Variants in SEMA3A observed in about 807,000 individuals in gnomAD.
SEMA3A encodes the protein semaphorin-3A.
SEMA3A carries 29 observed loss-of-function variants against 97.9 expected under a neutral mutation model. That is an observed-to-expected ratio of 0.30 (90% CI 0.22 to 0.40). The LOEUF (loss-of-function observed/expected upper bound fraction) is 0.40. Among genes scored for constraint, SEMA3A ranks in the 10% least tolerant of loss-of-function variants. The pLI is 1.00. For missense variants in SEMA3A, 763 were observed against 951.3 expected (o/e 0.80, Z 2.60); for synonymous variants, 321 against 323.7 (o/e 0.99, Z 0.09).
intron 1 of SEMA3A, among the ~76,000 whole-genome samples, chr7:84,189,805 T>C (rs55776477): frequency 0.024 from 3,704 of 151,794 alleles, 54 homozygotes; most frequent in Non-Finnish European, 0.033. Flanking sequence ...AAATCTTTAC[T>C]ATAGAATTTA....
At chr7:84,316,260 T>C (rs1181519497) in intron 2 of SEMA3A, among the ~76,000 whole-genome samples, 1 of 151,682 alleles carries the variant, frequency 6.6e-6, no homozygotes, top group Non-Finnish European at 1.5e-5. Context: ...GAAAGACCAC[T>C]GGTTAATTTA....
At chr7:84,083,246 A>G (rs184563691) in intron 4 of SEMA3A, among the ~76,000 whole-genome samples, 7,252 of 151,844 alleles carry the variant, frequency 0.048, 228 homozygotes, top group African/African-American at 0.083. Context: ...GTACTTTACT[A>G]TATACTGTTA....
chr7:84,091,031 T>C (rs34614886), intron 4 of SEMA3A, among the ~76,000 whole-genome samples: 56,416 of 145,572 alleles, frequency 0.39, 13,054 homozygotes, highest in Non-Finnish European at 0.51. Context: ...CACGAGATCA[T>C]GCCATTGCAC....
intron 1 of SEMA3A, among the ~76,000 whole-genome samples, chr7:84,438,101 TA>T (rs1302619729): frequency 2.6e-5 from 4 of 152,150 alleles, no homozygotes; most frequent in South Asian, 2.1e-4. Flanking sequence ...GACTTTAGAC[TA>T]GGGGGTATGC....
intron 3 of SEMA3A, among the ~76,000 whole-genome samples, chr7:84,295,605 T>G (rs1338253554): frequency 6.6e-6 from 1 of 152,034 alleles, no homozygotes; most frequent in Non-Finnish European, 1.5e-5. Context: ...AAATAAATTA[T>G]GCAGAACAAC....
At chr7:84,027,298 A>T (rs1791583106) in intron 6 of SEMA3A, among the ~76,000 whole-genome samples, 1 of 152,142 alleles carries the variant, frequency 6.6e-6, no homozygotes, top group African/African-American at 2.4e-5. Context: ...TTTATTCTTA[A>T]ATTACTTTAT....
At chr7:84,066,652 G>A (rs1317836503) in intron 4 of SEMA3A, among the ~76,000 whole-genome samples, 1 of 150,076 alleles carries the variant, frequency 6.7e-6, no homozygotes, top group Admixed American at 6.6e-5. Context: ...GCCAAATCAT[G>A]AGTGAACTCC....
intron 2 of SEMA3A, among the ~76,000 whole-genome samples, chr7:84,361,595 C>T (rs524163): frequency 0.29 from 44,135 of 151,542 alleles, 6,869 homozygotes; most frequent in African/African-American, 0.38. Flanking sequence ...TTAGGGAGAA[C>T]GAGTAATATA....
intron 3 of SEMA3A, among the ~76,000 whole-genome samples, chr7:84,206,789 T>G (rs1452762125): frequency 6.6e-6 from 1 of 152,154 alleles, no homozygotes; most frequent in East Asian, 1.9e-4. Context: ...ATGGGTATTT[T>G]CTATAGTTCT....
intron 3 of SEMA3A, among the ~76,000 whole-genome samples, chr7:84,273,411 A>G (rs1800204338): frequency 6.6e-6 from 1 of 152,162 alleles, no homozygotes; most frequent in Non-Finnish European, 1.5e-5. Flanking sequence ...GATGGAATAA[A>G]CAAATGTAAA....
intron 3 of SEMA3A, among the ~76,000 whole-genome samples, chr7:84,287,215 T>C (rs73711506): frequency 0.017 from 2,660 of 152,200 alleles, 77 homozygotes; most frequent in African/African-American, 0.061. Flanking sequence ...TCAAGCTTTA[T>C]TGAGGTATAA....
intron 3 of SEMA3A, among the ~76,000 whole-genome samples, chr7:84,215,669 C>G (rs998768491): frequency 1.3e-5 from 2 of 152,204 alleles, no homozygotes; most frequent in African/African-American, 4.8e-5. Flanking sequence ...AAATAACTCT[C>G]TATGCCACAT....
At chr7:84,407,590 A>G (rs1389175196) in intron 1 of SEMA3A, among the ~76,000 whole-genome samples, 2 of 151,174 alleles carry the variant, frequency 1.3e-5, no homozygotes, top group South Asian at 2.1e-4. Context: ...TGCCAAGTCA[A>G]TCCTAAGCCA....
intron 1 of SEMA3A, among the ~76,000 whole-genome samples, chr7:84,401,090 A>G (rs1414174299): frequency 6.6e-6 from 1 of 152,210 alleles, no homozygotes; most frequent in Non-Finnish European, 1.5e-5. Flanking sequence ...TTGTCCTTGC[A>G]GATGACATTA....
At chr7:84,081,322 G>A (rs1034087878) in intron 4 of SEMA3A, among the ~76,000 whole-genome samples, 1 of 152,216 alleles carries the variant, frequency 6.6e-6, no homozygotes, top group East Asian at 1.9e-4. Flanking sequence ...GCCGGGCGCG[G>A]TGGCTCATGC....
At chr7:84,092,102 T>C (rs6970179) in intron 4 of SEMA3A, among the ~76,000 whole-genome samples, 61,055 of 151,554 alleles carry the variant, frequency 0.4, 14,255 homozygotes, top group Non-Finnish European at 0.51. Flanking sequence ...GCTGTTCACA[T>C]ATATTTTTTA....
chr7:84,439,701 G>T (rs1056920195), intron 1 of SEMA3A, among the ~76,000 whole-genome samples: 6 of 152,094 alleles, frequency 3.9e-5, no homozygotes, highest in Admixed American at 1.3e-4. Context: ...AAGTGGAAAA[G>T]AAATTAAATC....
At chr7:84,399,459 G>A (rs1803836827) in intron 1 of SEMA3A, among the ~76,000 whole-genome samples, 1 of 152,142 alleles carries the variant, frequency 6.6e-6, no homozygotes, top group African/African-American at 2.4e-5. Context: ...AGTGGCCATG[G>A]GAGAGCCTAT....
intron 1 of SEMA3A, among the ~76,000 whole-genome samples, chr7:84,160,556 A>G (rs1317324937): frequency 1.3e-5 from 2 of 151,570 alleles, no homozygotes; most frequent in Admixed American, 1.3e-4. Flanking sequence ...CTCAAGATAA[A>G]GAAATAAATA....
Sources: allele counts gnomAD v4.1 joint callset (sites outside exome capture counted in the v4.1 genomes callset), GRCh38; gene constraint gnomAD v4.1.1; transcripts MANE v1.5; gene names NCBI Gene and HGNC (gene_info 2026-07-23, HGNC 2026-07-21).